The following TICRR variants were observed in gnomAD, a reference collection of about 807,000 sequenced individuals.
TICRR encodes the protein TOPBP1 interacting checkpoint and replication regulator.
In TICRR, 132 loss-of-function variants were observed where a neutral mutation model predicts 178.1. That is an observed-to-expected ratio of 0.74 (90% CI 0.64 to 0.86). TICRR has a LOEUF of 0.86. TICRR is among the 40% of genes least tolerant of loss of function. TICRR has a pLI of 0.00. For missense variants in TICRR, 2,587 were observed against 2,334.3 expected, an observed-to-expected ratio of 1.11 and a Z score of -2.23; for synonymous variants, 991 against 900.7, an observed-to-expected ratio of 1.10 and a Z score of -1.79.
chr15:89,600,784 C>T (rs1963080700), intron 9 of TICRR, 99 bp downstream of exon 9: 2 of 598,216 alleles, frequency 3.3e-6, no homozygotes, highest in East Asian at 6.2e-5. Context: ...GTGGCTCATG[C>T]CTGTAATCCT....
intron 19 of TICRR, among the ~76,000 whole-genome samples, chr15:89,622,357 G>C (rs1963440938): frequency 2.0e-5 from 3 of 152,068 alleles, no homozygotes; most frequent in Non-Finnish European, 2.9e-5. Flanking sequence ...GGTCTACCTG[G>C]AACACTTCAA....
In TICRR at chr15:89,582,865, G is replaced by C; in HGVS notation, c.834G>C (p.Met278Ile). 6.2e-7 allele frequency: 1 copy of C among 1,614,172 alleles called. No homozygotes were observed. The highest frequency in any genetic ancestry group is 1.1e-5 in the South Asian group (1 of 91,088). The change falls in exon 2 of 22, where the codon ATG (methionine) becomes ATC (isoleucine). Residue 278 changes from methionine to isoleucine, a missense_variant. Transcript: ENST00000268138. ...SEPHLSPWIS[M>I]LPTDATLNRL... ...CTCATCTTTCTCCGTGGATTTCAATGCTGCCAACTGATGCCACTTTAAACC... is the reference window on the plus strand; with the variant it reads ...CTCATCTTTCTCCGTGGATTTCAATCCTGCCAACTGATGCCACTTTAAACC...
Position 89,627,192 on chromosome 15 carries a change from C to T in TICRR, c.*106C>T, listed in dbSNP as rs1963547180. 1 of 1,405,132 alleles carries T rather than the reference C, an allele frequency of 7.1e-7. No homozygotes were observed. Among genetic ancestry groups the T allele is most frequent in the South Asian group, 1.2e-5 (1 of 80,138 alleles). 87.0% of individuals were successfully genotyped at this position (1,405,132 alleles called of 1,614,324 possible). Reference sequence around the variant, plus strand: ...AGCCTCTTTTGCCATGGTCAGTGTTCAGATTGCCATTAGAATGCCTTAGGG... The same window carrying T: ...AGCCTCTTTTGCCATGGTCAGTGTTTAGATTGCCATTAGAATGCCTTAGGG... On this transcript the variant is annotated 3_prime_UTR_variant, in exon 22 of 22. Coordinates refer to ENST00000268138, the MANE Select transcript of TICRR (RefSeq NM_152259.4).
chr15:89,591,322 C>T (rs896310799), intron 4 of TICRR, among the ~76,000 whole-genome samples: 1 of 152,064 alleles, frequency 6.6e-6, no homozygotes, highest in South Asian at 2.1e-4. Flanking sequence ...CGGGGTTTTG[C>T]CATGTTGGCC....
intron 15 of TICRR, among the ~76,000 whole-genome samples, chr15:89,612,292 A>T (rs1963267307): frequency 6.6e-6 from 1 of 152,132 alleles, no homozygotes; most frequent in Admixed American, 6.5e-5. Flanking sequence ...TGTCTGATTC[A>T]AGAAACGAGG....
intron 17 of TICRR, 87 bp from the exon 18 acceptor site, chr15:89,619,621 T>C (rs1963391499): frequency 1.4e-6 from 2 of 1,425,030 alleles, no homozygotes; most frequent in South Asian, 2.7e-5. Context: ...TGTGGTACTA[T>C]GTAAATTTTG....
chr15:89,593,756 A>G (rs1311277269), intron 5 of TICRR, among the ~76,000 whole-genome samples: 1 of 152,234 alleles, frequency 6.6e-6, no homozygotes, highest in African/African-American at 2.4e-5. Flanking sequence ...TGATAGACCC[A>G]ACACATATTC....
intron 2 of TICRR, among the ~76,000 whole-genome samples, chr15:89,583,717 C>T (rs994560833): frequency 1.3e-5 from 2 of 151,952 alleles, no homozygotes; most frequent in African/African-American, 4.8e-5. Flanking sequence ...GCTTTGTCAC[C>T]CAGGCTGGAG....
intron 4 of TICRR, among the ~76,000 whole-genome samples, chr15:89,588,744 G>GA (rs1355275754): frequency 1.3e-5 from 2 of 152,146 alleles, no homozygotes; most frequent in African/African-American, 4.8e-5. Flanking sequence ...TGTGTGTATG[G>GA]AAGTTATCCA....
Position 89,592,064 on chromosome 15 carries a change from T to G in TICRR, c.1429T>G (p.Trp477Gly). ...TCCAATAGCTTCTCCTGTTCCAGAG[T>G]GGGCCCAGCAGGAGCTTGGCCACAC... is the stretch of plus-strand genomic sequence containing the variant. ...TASAASPVPEWAQQELGHTTP... is the reference protein window; with the variant it reads ...TASAASPVPEGAQQELGHTTP... Residue 477 changes from tryptophan to glycine, a missense_variant, in exon 5 of 22, where the codon TGG (tryptophan) becomes GGG (glycine). Coordinates refer to ENST00000268138, the MANE Select transcript of TICRR (RefSeq NM_152259.4). 6.2e-7 allele frequency: 1 copy of G among 1,611,140 alleles called. No homozygotes were observed. Among genetic ancestry groups the G allele is most frequent in the South Asian group, 1.1e-5 (1 of 90,870 alleles).
intron 5 of TICRR, among the ~76,000 whole-genome samples, chr15:89,592,454 A>C (rs563419697): frequency 6.6e-6 from 1 of 152,194 alleles, no homozygotes; most frequent in Non-Finnish European, 1.5e-5. Flanking sequence ...TAAAGTGAGA[A>C]AATATTTATA....
chr15:89,623,356 A>C (rs1381236519), intron 19 of TICRR, among the ~76,000 whole-genome samples: 1 of 152,232 alleles, frequency 6.6e-6, no homozygotes, highest in East Asian at 1.9e-4. Context: ...TAGAGGCAAA[A>C]AGCATGGTTT....
intron 15 of TICRR, among the ~76,000 whole-genome samples, chr15:89,609,352 A>G (rs776643293): frequency 6.6e-6 from 1 of 151,952 alleles, no homozygotes; most frequent in Non-Finnish European, 1.5e-5. Flanking sequence ...AGCTCAAGCG[A>G]TCTGCCCTCC....
At chr15:89,608,572 C>T (rs1392104070) in intron 14 of TICRR, among the ~76,000 whole-genome samples, 1 of 152,078 alleles carries the variant, frequency 6.6e-6, no homozygotes, top group African/African-American at 2.4e-5. Flanking sequence ...GACATTGGAC[C>T]CCTACCTCAT....
At chr15:89,593,745 CT>C (rs1370157352) in intron 5 of TICRR, among the ~76,000 whole-genome samples, 2 of 152,180 alleles carry the variant, frequency 1.3e-5, no homozygotes, top group Admixed American at 1.3e-4. Context: ...ATGAATGAAG[CT>C]GATAGACCCA....
intron 19 of TICRR, 73 bp from the exon 20 acceptor site, chr15:89,623,550 A>T: frequency 7.0e-7 from 1 of 1,430,952 alleles, no homozygotes; most frequent in Admixed American, 2.2e-5. Flanking sequence ...ATTTGGTCTT[A>T]GAGATTACTA....
At position 89,625,164 on chromosome 15, in the gene TICRR, A is replaced by G; in HGVS notation, c.4854A>G (p.Glu1618=). The G allele has an allele frequency of 1.9e-6, 3 of 1,613,404 alleles. No individual in the cohort carries two copies. Among genetic ancestry groups the G allele is most frequent in the Non-Finnish European group, 2.5e-6 (3 of 1,179,818 alleles). Residue 1618 remains glutamate, a synonymous_variant, in exon 20 of 22, where the codon GAA becomes GAG. Transcript: ENST00000268138. Reference sequence around the variant, plus strand: ...CCAGCAGGTCCTTAAGCAAACCTGAACCCACCTATGTGTCACCCCCCTGCC... The same window carrying G: ...CCAGCAGGTCCTTAAGCAAACCTGAGCCCACCTATGTGTCACCCCCCTGCC... ...PRASRSLSKP[E]PTYVSPPCPR... is the part of the protein sequence containing the mutation.
At chr15:89,596,345 T>TC (rs1204662231) in intron 7 of TICRR, among the ~76,000 whole-genome samples, 1 of 152,098 alleles carries the variant, frequency 6.6e-6, no homozygotes, top group Admixed American at 6.6e-5. Flanking sequence ...ATTCCTCTTT[T>TC]CTTTTTTTGT....
At chr15:89,595,927 TTTTTTTCCTGTGGAATGTGAGAG>T (rs768467234) in intron 7 of TICRR, among the ~76,000 whole-genome samples, 2 of 152,116 alleles carry the variant, frequency 1.3e-5, no homozygotes, top group Non-Finnish European at 2.9e-5. Context: ...TACAGATTTT[TTTTTTTCCTGTGGAATGTGAGAG>T]CCATAGATGA....
Sources: allele counts gnomAD v4.1 joint callset (sites outside exome capture counted in the v4.1 genomes callset), GRCh38; gene constraint gnomAD v4.1.1; transcripts MANE v1.5; gene names NCBI Gene and HGNC (gene_info 2026-07-23, HGNC 2026-07-21).